The following SOCS2 variants were observed in gnomAD, a reference collection of about 807,000 sequenced individuals.
SOCS2 encodes the protein suppressor of cytokine signaling 2, also known as CIS-2.
A neutral mutation model predicts 18.6 loss-of-function variants in SOCS2; 10 were observed. The ratio of observed to expected loss-of-function variants is 0.54; its 90% CI spans 0.33 to 0.91. The LOEUF (loss-of-function observed/expected upper bound fraction) is 0.91. Ranked by LOEUF, SOCS2 falls within the 40% of genes least tolerant of loss-of-function variation. The probability of loss-of-function intolerance (pLI) is 0.02; values close to 1 mark genes in which losing one functional copy is unlikely to be tolerated. For synonymous variants in SOCS2, 104 were observed against 104.0 expected (o/e 1.00, Z 0.00); for missense variants, 231 against 247.2 (o/e 0.93, Z 0.44).
the SOCS2 span, among the ~76,000 whole-genome samples, chr12:93,624,521 G>A: frequency 2.6e-5 from 4 of 151,578 alleles, no homozygotes; most frequent in Non-Finnish European, 2.9e-5. Flanking sequence ...GTAGTGAGCC[G>A]AGATTGCACC....
chr12:93,612,632 A>C, the SOCS2 span, among the ~76,000 whole-genome samples: 1 of 152,028 alleles, frequency 6.6e-6, no homozygotes, highest in Admixed American at 6.6e-5. Context: ...GTGCCATGGT[A>C]CTCCCAACAT....
At chr12:93,574,556 C>G (rs113288423) in intron 1 of SOCS2, 166 bp from the exon 2 acceptor site, 1 of 462,964 alleles carries the variant, frequency 2.2e-6, no homozygotes, top group Non-Finnish European at 3.7e-6. Context: ...TAAATTCCTA[C>G]TGAAAGTATT....
the SOCS2 span, among the ~76,000 whole-genome samples, chr12:93,614,363 TTCTTTC>T: frequency 1.1e-4 from 2 of 17,510 alleles, no homozygotes; most frequent in Non-Finnish European, 1.7e-4. Flanking sequence ...GCAATTTTCC[TTCTTTC>T]TTTCTTTCTT....
the SOCS2 span, among the ~76,000 whole-genome samples, chr12:93,591,453 G>A: frequency 6.6e-6 from 1 of 152,162 alleles, no homozygotes; most frequent in Non-Finnish European, 1.5e-5. Flanking sequence ...GTCTGTCTGC[G>A]GCAAGAGGAA....
At chr12:93,614,599 CTTTCTTTCTTTCTTTCT>C in the SOCS2 span, among the ~76,000 whole-genome samples, 17 of 108,480 alleles carry the variant, frequency 1.6e-4, 1 homozygote, top group African/African-American at 6.5e-4. Context: ...TTCTTTCTTT[CTTTCTTTCTTTCTTTCT>C]TTCTTTCTTT....
At chr12:93,611,463 C>CTGACCTCAAG in the SOCS2 span, among the ~76,000 whole-genome samples, 2 of 152,160 alleles carry the variant, frequency 1.3e-5, no homozygotes, top group African/African-American at 2.4e-5. Flanking sequence ...TTTCTAACTC[C>CTGACCTCAAG]TGACCTCAAG....
the SOCS2 span, among the ~76,000 whole-genome samples, chr12:93,593,226 C>T: frequency 6.6e-6 from 1 of 152,096 alleles, no homozygotes; most frequent in South Asian, 2.1e-4. Context: ...TCACGCTGAC[C>T]CGACTCTATA....
chr12:93,591,935 A>G, the SOCS2 span, among the ~76,000 whole-genome samples: 12 of 152,218 alleles, frequency 7.9e-5, no homozygotes, highest in Non-Finnish European at 2.9e-5. Context: ...ATTGTCCCAG[A>G]TAAGAGCATC....
At chr12:93,614,164 TC>T in the SOCS2 span, among the ~76,000 whole-genome samples, 1 of 152,090 alleles carries the variant, frequency 6.6e-6, no homozygotes, top group Non-Finnish European at 1.5e-5. Flanking sequence ...TTTGGGTTGA[TC>T]AAGTAGATGT....
In SOCS2 at chr12:93,576,151, A is replaced by C. The variant is rs949885790; in HGVS notation, c.*972A>C. ...TGCCTGTTTTTCAAAGTGTTTATTT[A>C]CTGCTGTTACTATTTGATTAGAATG... On this transcript the variant is annotated 3_prime_UTR_variant, in exon 2 of 2. Transcript: ENST00000551556. The C allele has an allele frequency of 1.3e-5, 2 of 152,656 alleles. No individual in the cohort carries two copies. The highest frequency in any genetic ancestry group is 2.9e-5 in the Non-Finnish European group (2 of 68,038). 9.5% of individuals were successfully genotyped at this position (152,656 alleles called of 1,614,324 possible). A position where few individuals can be genotyped will look rare whatever the true frequency, so the allele number is the denominator to read the frequency against.
chr12:93,595,956 G>A, the SOCS2 span, among the ~76,000 whole-genome samples: 11,042 of 151,838 alleles, frequency 0.073, 533 homozygotes, highest in Middle Eastern at 0.2. Context: ...CAAATAGAGG[G>A]CAAAAACAGT....
chr12:93,590,712 T>C, the SOCS2 span, among the ~76,000 whole-genome samples: 51 of 138,270 alleles, frequency 3.7e-4, no homozygotes, highest in African/African-American at 1.3e-3. Flanking sequence ...AAAGAATCGC[T>C]TGAACCCAGC....
upstream of SOCS2, chr12:93,570,973 C>T: frequency 6.5e-6 from 1 of 153,870 alleles, no homozygotes; most frequent in Non-Finnish European, 1.5e-5. Context: ...GGGAGGGAGG[C>T]GGGGAGCAAG....
chr12:93,624,312 C>T, the SOCS2 span, among the ~76,000 whole-genome samples: 1 of 152,204 alleles, frequency 6.6e-6, no homozygotes, highest in Non-Finnish European at 1.5e-5. Context: ...GTGGCTCACG[C>T]CTGTAATCCC....
At chr12:93,612,362 C>A in the SOCS2 span, among the ~76,000 whole-genome samples, 1 of 148,040 alleles carries the variant, frequency 6.8e-6, no homozygotes, top group South Asian at 2.1e-4. Flanking sequence ...TGCCATTGTA[C>A]TTTTTTTTTT....
the SOCS2 span, among the ~76,000 whole-genome samples, chr12:93,612,225 C>A: frequency 6.6e-6 from 1 of 152,180 alleles, no homozygotes; most frequent in East Asian, 1.9e-4. Flanking sequence ...ACACTTCCTC[C>A]CAACCCACTG....
chr12:93,577,906 G>A (rs1304343183), downstream of SOCS2, among the ~76,000 whole-genome samples: 1 of 152,188 alleles, frequency 6.6e-6, no homozygotes, highest in East Asian at 1.9e-4. Flanking sequence ...CCAAAGCCTG[G>A]AAGAATATCC....
At chr12:93,600,744 T>A in the SOCS2 span, among the ~76,000 whole-genome samples, 4 of 151,616 alleles carry the variant, frequency 2.6e-5, no homozygotes, top group African/African-American at 9.7e-5. Flanking sequence ...GTTAATGGAA[T>A]CTTTTAAAAT....
intron 1 of SOCS2, chr12:93,573,948 C>G (rs41415544): frequency 1.3e-5 from 2 of 152,174 alleles, no homozygotes; most frequent in African/African-American, 4.8e-5. Flanking sequence ...GGAGATGGTG[C>G]AGGCAGATGA....
Sources: gnomAD v4.1 joint callset for allele counts (sites outside exome capture counted in the v4.1 genomes callset) on GRCh38, gnomAD v4.1.1 for gene constraint, MANE v1.5 for transcripts, NCBI Gene and HGNC (gene_info 2026-07-23, HGNC 2026-07-21) for gene names.